Variants in SLC24A2 observed in about 807,000 individuals in gnomAD.
SLC24A2 encodes the protein solute carrier family 24 member 2, also known as sodium/potassium/calcium exchanger 2.
A neutral mutation model predicts 62.0 loss-of-function variants in SLC24A2; 36 were observed. The observed-to-expected ratio is 0.58, with a 90% CI of 0.44 to 0.77. The LOEUF (loss-of-function observed/expected upper bound fraction) is 0.77. Among genes scored for constraint, SLC24A2 ranks in the 30% least tolerant of loss-of-function variants. The pLI, the probability that SLC24A2 is intolerant of heterozygous loss-of-function variation, is 0.00. For synonymous variants in SLC24A2, 358 were observed against 294.0 expected (o/e 1.22, Z -2.23); for missense variants, 846 against 817.9 (o/e 1.03, Z -0.42).
chr9:20,102,682 CA>C, the SLC24A2 span, among the ~76,000 whole-genome samples: 37 of 144,380 alleles, frequency 2.6e-4, no homozygotes, highest in Non-Finnish European at 3.4e-4. Context: ...AAGACATTTC[CA>C]AAAAAAAAAA....
intron 2 of SLC24A2, among the ~76,000 whole-genome samples, chr9:19,625,375 A>G (rs1818007164): frequency 6.6e-6 from 1 of 152,186 alleles, no homozygotes; most frequent in Non-Finnish European, 1.5e-5. Context: ...TGTTAAGCCA[A>G]TCTATAGTAC....
At chr9:20,143,322 G>A in the SLC24A2 span, among the ~76,000 whole-genome samples, 2 of 152,030 alleles carry the variant, frequency 1.3e-5, no homozygotes, top group African/African-American at 4.8e-5. Context: ...GAAAAGAGGA[G>A]AAAAAGATAC....
At chr9:19,680,226 A>T (rs946937531) in intron 2 of SLC24A2, among the ~76,000 whole-genome samples, 3 of 152,122 alleles carry the variant, frequency 2.0e-5, no homozygotes, top group African/African-American at 4.8e-5. Context: ...GAAGCATCCA[A>T]CCCTAACAGA....
chr9:19,686,994 G>C (rs1447623025), intron 2 of SLC24A2, among the ~76,000 whole-genome samples: 1 of 152,082 alleles, frequency 6.6e-6, no homozygotes, highest in African/African-American at 2.4e-5. Context: ...AACATAGATG[G>C]AGCTGGAGAC....
At chr9:19,966,381 C>A in the SLC24A2 span, among the ~76,000 whole-genome samples, 4 of 152,092 alleles carry the variant, frequency 2.6e-5, no homozygotes, top group Admixed American at 1.3e-4. Flanking sequence ...CATTTTGCTT[C>A]AAATAAAAAG....
At chr9:19,951,585 C>T in the SLC24A2 span, among the ~76,000 whole-genome samples, 14 of 151,710 alleles carry the variant, frequency 9.2e-5, no homozygotes, top group East Asian at 5.8e-4. Context: ...TATAGATATC[C>T]GGTGTCTGGT....
At chr9:20,289,746 G>A in the SLC24A2 span, among the ~76,000 whole-genome samples, 1 of 152,030 alleles carries the variant, frequency 6.6e-6, no homozygotes, top group Non-Finnish European at 1.5e-5. Context: ...CATCCACTAG[G>A]CCCCAAAATG....
chr9:20,259,263 G>C, the SLC24A2 span, among the ~76,000 whole-genome samples: 6 of 152,146 alleles, frequency 3.9e-5, no homozygotes, highest in African/African-American at 1.4e-4. Flanking sequence ...AGAATTGTAA[G>C]ATTAAAAGAT....
the SLC24A2 span, among the ~76,000 whole-genome samples, chr9:20,125,619 G>A: frequency 5.3e-5 from 8 of 152,216 alleles, no homozygotes; most frequent in East Asian, 1.4e-3. Flanking sequence ...ATTCCACTGG[G>A]CCCAGGTCAG....
chr9:19,525,147 C>A (rs1833375120), intron 9 of SLC24A2, among the ~76,000 whole-genome samples: 1 of 151,862 alleles, frequency 6.6e-6, no homozygotes, highest in Non-Finnish European at 1.5e-5. Flanking sequence ...GCTCAGGAAG[C>A]CAATGATTTT....
At chr9:19,708,613 C>T (rs1820610429) in intron 2 of SLC24A2, among the ~76,000 whole-genome samples, 1 of 152,114 alleles carries the variant, frequency 6.6e-6, no homozygotes, top group Non-Finnish European at 1.5e-5. Context: ...ATATCTACAA[C>T]CATCTGATTT....
chr9:19,804,414 G>C, the SLC24A2 span, among the ~76,000 whole-genome samples: 1 of 152,008 alleles, frequency 6.6e-6, no homozygotes, highest in East Asian at 1.9e-4. Flanking sequence ...TATTTTCAAA[G>C]TTATAAATGG....
At chr9:20,225,128 C>A in the SLC24A2 span, among the ~76,000 whole-genome samples, 1 of 152,088 alleles carries the variant, frequency 6.6e-6, no homozygotes, top group Non-Finnish European at 1.5e-5. Context: ...CTGTCTCAGG[C>A]TTTGCTGCTA....
chr9:19,547,646 G>GC (rs908236281), intron 8 of SLC24A2, among the ~76,000 whole-genome samples: 1 of 151,488 alleles, frequency 6.6e-6, no homozygotes, highest in Non-Finnish European at 1.5e-5. Context: ...TCCCATTCCT[G>GC]CACATCTTCC....
At chr9:19,531,955 G>T (rs1448444270) in intron 8 of SLC24A2, among the ~76,000 whole-genome samples, 1 of 152,106 alleles carries the variant, frequency 6.6e-6, no homozygotes, top group Non-Finnish European at 1.5e-5. Flanking sequence ...AGACAATATA[G>T]TCATGCCCTT....
At chr9:19,647,354 CTA>C (rs781119700) in intron 2 of SLC24A2, among the ~76,000 whole-genome samples, 2 of 152,078 alleles carry the variant, frequency 1.3e-5, no homozygotes, top group Non-Finnish European at 2.9e-5. Flanking sequence ...TTAGGGTTTC[CTA>C]TGTCTTCTTC....
chr9:19,954,978 G>A, the SLC24A2 span, among the ~76,000 whole-genome samples: 1 of 138,620 alleles, frequency 7.2e-6, no homozygotes, highest in Non-Finnish European at 1.6e-5. Context: ...AGAGGAGGCT[G>A]CCATTTTTTT....
the SLC24A2 span, among the ~76,000 whole-genome samples, chr9:20,287,795 C>A: frequency 6.6e-5 from 10 of 152,224 alleles, no homozygotes; most frequent in Non-Finnish European, 1.5e-4. Flanking sequence ...AACCACCTCT[C>A]CATCTCTTCC....
In SLC24A2 at chr9:19,511,363, C is replaced by A. The variant is rs1194499375; in HGVS notation, c.*4790G>T. 6.6e-6 allele frequency: 1 copy of A among 152,092 alleles called. No homozygotes were observed. The highest frequency in any genetic ancestry group is 1.5e-5 in the Non-Finnish European group (1 of 68,020). The allele number at this position is 152,092 out of a possible 1,614,324, so 9.4% of individuals were successfully genotyped here. ...ATAGGGCAGGGTTACTTTTCTTACC[C>A]AAGGTCTTCCTGAGATTATTTTTTA... On this transcript the variant is annotated 3_prime_UTR_variant, in exon 11 of 11. Transcript: ENST00000341998.
Sources: allele counts gnomAD v4.1 joint callset (sites outside exome capture counted in the v4.1 genomes callset), GRCh38; gene constraint gnomAD v4.1.1; transcripts MANE v1.5; gene names NCBI Gene and HGNC (gene_info 2026-07-23, HGNC 2026-07-21).